Variants in ACSS1 observed in about 807,000 individuals in gnomAD.
ACSS1 encodes acetyl-coenzyme A synthetase 2-like, mitochondrial.
In ACSS1, 42 loss-of-function variants were observed where a neutral mutation model predicts 75.3. That is an observed-to-expected ratio of 0.56 (90% CI 0.44 to 0.72). The LOEUF (loss-of-function observed/expected upper bound fraction) is 0.72. Ranked by LOEUF, ACSS1 falls within the 30% of genes least tolerant of loss-of-function variation. ACSS1 has a pLI of 0.00. For synonymous variants in ACSS1, 380 were observed against 376.8 expected (o/e 1.01, Z -0.10); for missense variants, 782 against 935.7 (o/e 0.84, Z 2.14).
intron 2 of ACSS1, among the ~76,000 whole-genome samples, chr20:25,034,766 C>T (rs2048262715): frequency 6.6e-6 from 1 of 152,076 alleles, no homozygotes; most frequent in Non-Finnish European, 1.5e-5. Context: ...CGGGGTTTCT[C>T]CATGTTGGTC....
In ACSS1 at chr20:25,023,674, T is replaced by G; in HGVS notation, c.632-33A>C. ...AGACAACACAGACATTTCTGATCAGTCTCCTCCCGACTTTAACCCTCATAG... is the reference window on the plus strand; with the variant it reads ...AGACAACACAGACATTTCTGATCAGGCTCCTCCCGACTTTAACCCTCATAG... On this transcript the variant is annotated intron_variant, in intron 3 of 13. Transcript: ENST00000323482. 2.6e-6 allele frequency: 4 copies of G among 1,553,464 alleles called. No homozygotes were observed. The South Asian group carries it at 3.6e-5, about 14-fold the overall frequency.
intron 1 of ACSS1, 108 bp downstream of exon 1, chr20:25,057,661 A>G: frequency 8.8e-7 from 1 of 1,132,192 alleles, no homozygotes; most frequent in African/African-American, 1.6e-5. Flanking sequence ...GGGCCCCTGC[A>G]GGGCTGCGAT....
intron 1 of ACSS1, among the ~76,000 whole-genome samples, chr20:25,052,928 C>T (rs768367713): frequency 1.2e-4 from 19 of 152,194 alleles, no homozygotes; most frequent in Non-Finnish European, 2.6e-4. Context: ...ACAATCCTGA[C>T]ACACACGTAC....
intron 2 of ACSS1, among the ~76,000 whole-genome samples, chr20:25,040,192 G>T (rs1486146071): frequency 4.6e-5 from 7 of 152,150 alleles, no homozygotes; most frequent in African/African-American, 1.7e-4. Flanking sequence ...CCCACTCCAA[G>T]TTTGCACACC....
At chr20:25,029,131 T>C (rs1018702691) in intron 3 of ACSS1, among the ~76,000 whole-genome samples, 4 of 152,110 alleles carry the variant, frequency 2.6e-5, no homozygotes, top group African/African-American at 9.7e-5. Flanking sequence ...AAATCATATA[T>C]CTGATAGAGG....
At chr20:25,046,509 A>T (rs1337829514) in intron 2 of ACSS1, 2 of 428,488 alleles carry the variant, frequency 4.7e-6, no homozygotes, top group African/African-American at 4.0e-5. Flanking sequence ...CACACCTGAG[A>T]GACTGATGGA....
At chr20:25,019,665 T>C (rs1020207997) in intron 7 of ACSS1, among the ~76,000 whole-genome samples, 4 of 152,234 alleles carry the variant, frequency 2.6e-5, no homozygotes, top group Admixed American at 2.0e-4. Context: ...AGCTAAGTTA[T>C]ACAGTTAAAT....
intron 9 of ACSS1, 114 bp from the exon 10 acceptor site, chr20:25,013,776 G>A (rs1047997505): frequency 6.9e-7 from 1 of 1,448,346 alleles, no homozygotes; most frequent in Non-Finnish European, 9.2e-7. Context: ...CTCTGCCCCT[G>A]AGGAGGGCCC....
intron 3 of ACSS1, 25 bp downstream of exon 3, chr20:25,030,734 T>C: frequency 6.2e-7 from 1 of 1,612,900 alleles, no homozygotes; most frequent in Non-Finnish European, 8.5e-7. Flanking sequence ...CCAGGGTTCC[T>C]CCCTCCCCAT....
chr20:25,015,560 G>A (rs1311378760), intron 7 of ACSS1, among the ~76,000 whole-genome samples: 2 of 152,196 alleles, frequency 1.3e-5, no homozygotes, highest in Non-Finnish European at 2.9e-5. Flanking sequence ...GCCTCCCAAA[G>A]TGCTGGGGTT....
chr20:25,044,941 A>G (rs1253473298), intron 2 of ACSS1, among the ~76,000 whole-genome samples: 1 of 152,180 alleles, frequency 6.6e-6, no homozygotes, highest in Non-Finnish European at 1.5e-5. Context: ...TGAGGACTGC[A>G]TTTGTGAAGG....
At chr20:25,016,333 C>T (rs541074313) in intron 7 of ACSS1, among the ~76,000 whole-genome samples, 2 of 152,298 alleles carry the variant, frequency 1.3e-5, no homozygotes, top group South Asian at 2.1e-4. Flanking sequence ...CACTTATACA[C>T]GTAAACATCT....
intron 3 of ACSS1, among the ~76,000 whole-genome samples, chr20:25,027,779 C>CAAAAAAAAA (rs78414153): frequency 5.6e-4 from 42 of 75,024 alleles, no homozygotes; most frequent in Middle Eastern, 6.8e-3. Flanking sequence ...AGTGATCAGG[C>CAAAAAAAAA]AAAAAAAAAA....
At chr20:25,020,240 T>C (rs1411266317) in intron 6 of ACSS1, 93 bp from the exon 7 acceptor site, 6 of 1,551,700 alleles carry the variant, frequency 3.9e-6, no homozygotes, top group South Asian at 1.1e-5. Flanking sequence ...GTGCTGGGCA[T>C]GTGCAGACGC....
In ACSS1 at chr20:25,006,890, A is replaced by G. The variant is rs1214028427; in HGVS notation, c.*872T>C. ...GCTCTAACAAGTCACCTGAGTTTCT[A>G]ATAGCTTCCCTGAAGAACCCAACTA... On this transcript the variant is annotated 3_prime_UTR_variant, in exon 14 of 14. Coordinates refer to ENST00000323482, the MANE Select transcript of ACSS1 (RefSeq NM_032501.4). 6.5e-7 allele frequency: 1 copy of G among 1,535,380 alleles called. No individual in the cohort carries two copies. Among genetic ancestry groups the G allele is most frequent in the East Asian group, 2.4e-5 (1 of 40,940 alleles).
intron 13 of ACSS1, among the ~76,000 whole-genome samples, chr20:25,008,878 G>C (rs971105095): frequency 1.3e-5 from 2 of 152,222 alleles, no homozygotes; most frequent in Non-Finnish European, 2.9e-5. Flanking sequence ...TGACCTCCTG[G>C]ACAGGTGAGC....
At chr20:25,023,154 C>A in intron 4 of ACSS1, 62 bp from the exon 5 acceptor site, 1 of 1,550,828 alleles carries the variant, frequency 6.4e-7, no homozygotes, top group South Asian at 1.2e-5. Flanking sequence ...GAGCAGCACT[C>A]CCCCTCCGCA....
At position 25,007,320 on chromosome 20, in the gene ACSS1, T is replaced by C; in HGVS notation, c.*442A>G. The C allele has an allele frequency of 9.3e-7, 1 of 1,078,228 alleles. No individual in the cohort carries two copies. The highest frequency in any genetic ancestry group is 1.1e-6 in the Non-Finnish European group (1 of 888,398). 66.8% of individuals were successfully genotyped at this position (1,078,228 alleles called of 1,614,324 possible). A position where few individuals can be genotyped will look rare whatever the true frequency, so the allele number is the denominator to read the frequency against. ...ACTACATGTGAGTGTTGCATGCTGT[T>C]CTTCCACAATATAAAAGTATAAAAA... On this transcript the variant is annotated 3_prime_UTR_variant, in exon 14 of 14. Coordinates refer to ENST00000323482, the MANE Select transcript of ACSS1 (RefSeq NM_032501.4).
intron 10 of ACSS1, 137 bp from the exon 11 acceptor site, chr20:25,013,076 T>G: frequency 7.6e-7 from 1 of 1,322,564 alleles, no homozygotes; most frequent in Admixed American, 2.1e-5. Context: ...CTCCGATGCT[T>G]CCCTATGTTC....
Sources: allele counts gnomAD v4.1 joint callset (sites outside exome capture counted in the v4.1 genomes callset), GRCh38; gene constraint gnomAD v4.1.1; transcripts MANE v1.5; gene names NCBI Gene and HGNC (gene_info 2026-07-23, HGNC 2026-07-21).